SAMMSON: variants seen among roughly 807,000 people sequenced by gnomAD.
The protein encoded by SAMMSON is survival associated mitochondrial melanoma specific oncogenic non-coding RNA, also known as long intergenic non-protein coding RNA 1212.
intron 6 of SAMMSON, among the ~76,000 whole-genome samples, chr3:70,250,949 G>A (rs1382818393): frequency 2.0e-5 from 3 of 152,134 alleles, no homozygotes; most frequent in Admixed American, 1.3e-4. Flanking sequence ...TTTAGAGAAA[G>A]ACAAACTATT....
chr3:70,316,569 A>G (rs1365049011), intron 7 of SAMMSON, among the ~76,000 whole-genome samples: 1 of 152,132 alleles, frequency 6.6e-6, no homozygotes, highest in Non-Finnish European at 1.5e-5. Flanking sequence ...TCTAATGACC[A>G]ATATATACCA....
At position 70,126,780 on chromosome 3, in the gene SAMMSON, GTC is replaced by G. The variant is rs2067460944; in HGVS notation, n.507+55219_507+55220del. On this transcript the variant is annotated intron_variant and non_coding_transcript_variant, in intron 4 of 9. Transcript: ENST00000642114. ...GCCTAGGCTGGAGTGCAGTGGCACAGTCTCTACACACTGCAACCTCTGCCTCC... is the reference window on the plus strand; with the variant it reads ...GCCTAGGCTGGAGTGCAGTGGCACAGTCTACACACTGCAACCTCTGCCTCC... 3 of 192,184 alleles carry G rather than the reference GTC, an allele frequency of 1.6e-5. No individual in the cohort carries two copies. In the Admixed American group the frequency reaches 1.7e-4, roughly 11 times the overall value. The allele number at this position is 192,184 out of a possible 1,614,324, so 11.9% of individuals were successfully genotyped here. A position where few individuals can be genotyped will look rare whatever the true frequency, so the allele number is the denominator to read the frequency against.
At chr3:70,422,230 G>A (rs1184897248) in intron 2 of SAMMSON, among the ~76,000 whole-genome samples, 1 of 151,978 alleles carries the variant, frequency 6.6e-6, no homozygotes. Context: ...ATTCTTAGGT[G>A]ATTTTCTTCA....
At chr3:70,072,646 G>GAAAAAAAAAAAAAAAAAAAAGA (rs35807309) in intron 4 of SAMMSON, 1 of 87,688 alleles carries the variant, frequency 1.1e-5, no homozygotes, top group African/African-American at 4.3e-5. Flanking sequence ...AACAGCAAAG[G>GAAAAAAAAAAAAAAAAAAAAGA]AAAAAAAAAA....
At chr3:70,065,654 G>C (rs1470564427) in intron 3 of SAMMSON, among the ~76,000 whole-genome samples, 1 of 152,062 alleles carries the variant, frequency 6.6e-6, no homozygotes, top group Non-Finnish European at 1.5e-5. Flanking sequence ...ACCGTCTAGA[G>C]ACATTTTTGG....
In SAMMSON at chr3:70,322,874, C is replaced by A. The variant is rs576588258; in HGVS notation, n.740-31301C>A. On this transcript the variant is annotated intron_variant and non_coding_transcript_variant, in intron 7 of 9. Transcript: ENST00000642114. ...TAAAATTAGTAAAGTTAAAACCACA[C>A]AGGACCTACACAGGTAATGCTACAG... 2.6e-5 allele frequency among the ~76,000 whole-genome samples: 4 copies of A among 152,168 alleles called. No individual in the cohort carries two copies. In the East Asian group the frequency reaches 7.8e-4, roughly 30 times the overall value.
chr3:70,363,869 T>C (rs1170442118), intron 9 of SAMMSON, among the ~76,000 whole-genome samples: 3 of 151,536 alleles, frequency 2.0e-5, no homozygotes, highest in Non-Finnish European at 4.4e-5. Context: ...TTATGACGTT[T>C]TCCACACATG....
chr3:70,290,857 A>G (rs1482007371), intron 6 of SAMMSON, among the ~76,000 whole-genome samples: 2 of 152,156 alleles, frequency 1.3e-5, no homozygotes, highest in African/African-American at 4.8e-5. Context: ...TTTGACTAGG[A>G]AAGGGAACTC....
At chr3:70,103,754 T>A (rs1457917494) in intron 4 of SAMMSON, among the ~76,000 whole-genome samples, 1 of 152,174 alleles carries the variant, frequency 6.6e-6, no homozygotes, top group Non-Finnish European at 1.5e-5. Context: ...ATCTAATCTT[T>A]AACTAGGAAA....
chr3:70,379,512 T>C (rs1229216935), intron 9 of SAMMSON, among the ~76,000 whole-genome samples: 1 of 152,084 alleles, frequency 6.6e-6, no homozygotes, highest in Non-Finnish European at 1.5e-5. Flanking sequence ...GCAACAACTT[T>C]ACATGACCCA....
chr3:70,193,625 T>A (rs1701148351), intron 4 of SAMMSON, among the ~76,000 whole-genome samples: 1 of 152,196 alleles, frequency 6.6e-6, no homozygotes, highest in Admixed American at 6.5e-5. Flanking sequence ...TAGGTTTTAC[T>A]CAGATCTTCT....
At chr3:70,156,312 C>T (rs1284347822) in intron 4 of SAMMSON, among the ~76,000 whole-genome samples, 1 of 151,980 alleles carries the variant, frequency 6.6e-6, no homozygotes, top group Non-Finnish European at 1.5e-5. Flanking sequence ...TATTTTCATA[C>T]TTGTGGTCTC....
chr3:70,298,002 T>C (rs535510207), intron 7 of SAMMSON, among the ~76,000 whole-genome samples: 10 of 152,230 alleles, frequency 6.6e-5, no homozygotes, highest in African/African-American at 9.6e-5. Flanking sequence ...TTAAAAATTC[T>C]AAATATAACA....
intron 7 of SAMMSON, among the ~76,000 whole-genome samples, chr3:70,339,587 G>C (rs1031151115): frequency 5.9e-5 from 9 of 152,092 alleles, no homozygotes; most frequent in African/African-American, 2.2e-4. Context: ...TCAGCAAGTG[G>C]GCGAAGGATA....
At chr3:70,212,360 C>T (rs1338228415) in intron 4 of SAMMSON, among the ~76,000 whole-genome samples, 1 of 152,130 alleles carries the variant, frequency 6.6e-6, no homozygotes, top group Non-Finnish European at 1.5e-5. Context: ...ATTCTTCTCC[C>T]CAAACTGGAA....
intron 4 of SAMMSON, among the ~76,000 whole-genome samples, chr3:70,143,011 T>G (rs1400189775): frequency 6.6e-6 from 1 of 152,214 alleles, no homozygotes; most frequent in Non-Finnish European, 1.5e-5. Flanking sequence ...GATCTCAGTT[T>G]GCCTCCTGAA....
chr3:70,164,073 G>A (rs1252954408), intron 4 of SAMMSON, among the ~76,000 whole-genome samples: 1 of 152,006 alleles, frequency 6.6e-6, no homozygotes, highest in African/African-American at 2.4e-5. Flanking sequence ...CATTGGCCTT[G>A]CAGTGATTGT....
intron 2 of SAMMSON, among the ~76,000 whole-genome samples, chr3:70,429,530 A>C (rs935793003): frequency 5.3e-5 from 8 of 152,170 alleles, no homozygotes; most frequent in Non-Finnish European, 1.0e-4. Context: ...TGATGGGGAT[A>C]GCATTGAATC....
chr3:70,288,906 T>G (rs1348444937), intron 6 of SAMMSON, among the ~76,000 whole-genome samples: 5 of 151,770 alleles, frequency 3.3e-5, no homozygotes, highest in Admixed American at 6.6e-5. Flanking sequence ...GTTTTCCATT[T>G]GCTTGGTAGA....
Sources: allele counts gnomAD v4.1 joint callset (sites outside exome capture counted in the v4.1 genomes callset), GRCh38; gene constraint gnomAD v4.1.1; transcripts MANE v1.5; gene names NCBI Gene and HGNC (gene_info 2026-07-23, HGNC 2026-07-21).